Variants in NAV3 observed in about 807,000 individuals in gnomAD.
The protein encoded by NAV3 is pore membrane and/or filament interacting like protein 1.
In NAV3, 87 loss-of-function variants were observed where a neutral mutation model predicts 244.7. That is an observed-to-expected ratio of 0.36 (90% confidence interval 0.30 to 0.42). NAV3 has a LOEUF of 0.42. Among genes scored for constraint, NAV3 ranks in the 20% least tolerant of loss-of-function variants. The pLI is 1.00. For synonymous variants in NAV3, 1,126 were observed against 1,042.2 expected, an observed-to-expected ratio of 1.08 and a Z score of -1.55; for missense variants, 2,663 against 2,893.3, an observed-to-expected ratio of 0.92 and a Z score of 1.83.
At chr12:77,887,630 G>T (rs948706562) in intron 1 of NAV3, among the ~76,000 whole-genome samples, 2 of 152,072 alleles carry the variant, frequency 1.3e-5, no homozygotes, top group East Asian at 1.9e-4. Context: ...ATATTTGTTG[G>T]ATGAGTGGAG....
chr12:78,058,314 A>G (rs1002932949), intron 11 of NAV3, among the ~76,000 whole-genome samples: 2 of 152,154 alleles, frequency 1.3e-5, no homozygotes, highest in African/African-American at 4.8e-5. Flanking sequence ...GACATATTAC[A>G]TGGCACACCG....
At chr12:78,194,916 G>T (rs867417151) in intron 34 of NAV3, among the ~76,000 whole-genome samples, 1 of 151,966 alleles carries the variant, frequency 6.6e-6, no homozygotes, top group African/African-American at 2.4e-5. Flanking sequence ...TTTTCCAGAC[G>T]CTACAATCAA....
intron 24 of NAV3, among the ~76,000 whole-genome samples, chr12:78,171,928 A>G (rs980179380): frequency 4.0e-5 from 6 of 151,650 alleles, no homozygotes; most frequent in African/African-American, 1.4e-4. Flanking sequence ...AATGCATCAC[A>G]TTCATTAACA....
intron 5 of NAV3, among the ~76,000 whole-genome samples, chr12:77,976,381 T>G (rs951664709): frequency 2.6e-5 from 4 of 152,130 alleles, no homozygotes; most frequent in Non-Finnish European, 1.5e-5. Context: ...AGAAGAGAAC[T>G]GAGGCCTTGG....
At chr12:78,120,400 A>G (rs1566164498) in intron 15 of NAV3, among the ~76,000 whole-genome samples, 1 of 152,178 alleles carries the variant, frequency 6.6e-6, no homozygotes, top group Non-Finnish European at 1.5e-5. Flanking sequence ...ATAAATGTAG[A>G]TGAAGTTGTT....
chr12:77,648,056 T>C (rs1015372046), intron 2 of NAV3, among the ~76,000 whole-genome samples: 5 of 152,090 alleles, frequency 3.3e-5, no homozygotes, highest in South Asian at 4.1e-4. Flanking sequence ...TTGGACTCCC[T>C]ATCAATGGCC....
intron 7 of NAV3, among the ~76,000 whole-genome samples, chr12:78,000,660 C>T (rs547503441): frequency 1.3e-3 from 160 of 127,698 alleles, no homozygotes; most frequent in African/African-American, 3.4e-3. Context: ...CCCGCCACCA[C>T]GCCCGGCTAA....
chr12:77,949,949 A>T (rs888479059), intron 3 of NAV3, among the ~76,000 whole-genome samples: 1 of 152,054 alleles, frequency 6.6e-6, no homozygotes, highest in African/African-American at 2.4e-5. Context: ...TCTTTCACTT[A>T]GTAATATGGA....
chr12:77,660,277 C>A (rs1051942071), intron 2 of NAV3, among the ~76,000 whole-genome samples: 3 of 152,036 alleles, frequency 2.0e-5, no homozygotes, highest in Non-Finnish European at 4.4e-5. Context: ...AAATGGAACA[C>A]AAAAATTTTA....
intron 9 of NAV3, among the ~76,000 whole-genome samples, chr12:78,027,690 T>G (rs559056697): frequency 6.6e-6 from 1 of 152,318 alleles, no homozygotes; most frequent in South Asian, 2.1e-4. Flanking sequence ...CTTTAGCTGC[T>G]ATGTATCTTT....
At chr12:78,151,427 A>G (rs1957077215) in intron 22 of NAV3, among the ~76,000 whole-genome samples, 1 of 152,092 alleles carries the variant, frequency 6.6e-6, no homozygotes. Context: ...TGATACATCT[A>G]TATCATGGAC....
chr12:77,706,475 T>A (rs1875804626), intron 2 of NAV3, among the ~76,000 whole-genome samples: 1 of 151,398 alleles, frequency 6.6e-6, no homozygotes, highest in Non-Finnish European at 1.5e-5. Flanking sequence ...TTTTCATGTG[T>A]ACACTCTAAT....
At chr12:78,102,482 A>G (rs1954584787) in intron 12 of NAV3, among the ~76,000 whole-genome samples, 1 of 152,190 alleles carries the variant, frequency 6.6e-6, no homozygotes, top group Admixed American at 6.5e-5. Flanking sequence ...TTTCCCAGGA[A>G]CAAGGTGCAA....
chr12:78,071,248 A>G (rs1952749351), intron 12 of NAV3, among the ~76,000 whole-genome samples: 1 of 152,104 alleles, frequency 6.6e-6, no homozygotes, highest in Non-Finnish European at 1.5e-5. Flanking sequence ...TGCCATTCTA[A>G]CTGGTGTGAG....
chr12:78,160,981 C>CT, intron 23 of NAV3, among the ~76,000 whole-genome samples: 1 of 151,224 alleles, frequency 6.6e-6, no homozygotes, highest in Middle Eastern at 3.4e-3. Context: ...CCCTCTCTTT[C>CT]TTTTTTGCTG....
chr12:78,139,597 C>T (rs989032071), intron 19 of NAV3, among the ~76,000 whole-genome samples: 1 of 151,974 alleles, frequency 6.6e-6, no homozygotes, highest in East Asian at 1.9e-4. Flanking sequence ...TTTTATCCAC[C>T]TTTTGGGTTT....
At chr12:77,629,396 C>A (rs1592520044) in intron 2 of NAV3, among the ~76,000 whole-genome samples, 1 of 152,150 alleles carries the variant, frequency 6.6e-6, no homozygotes, top group East Asian at 1.9e-4. Flanking sequence ...TGATAACTGG[C>A]CTTTCATTTG....
intron 2 of NAV3, among the ~76,000 whole-genome samples, chr12:77,671,112 A>G (rs1441802679): frequency 6.6e-6 from 1 of 152,160 alleles, no homozygotes; most frequent in Non-Finnish European, 1.5e-5. Flanking sequence ...AAATTCATGT[A>G]TACAAATCAT....
intron 30 of NAV3, among the ~76,000 whole-genome samples, chr12:78,183,605 A>C (rs1958590143): frequency 6.6e-6 from 1 of 151,964 alleles, no homozygotes; most frequent in Non-Finnish European, 1.5e-5. Flanking sequence ...TTAAATAGCC[A>C]CATAATAAAA....
Sources: gnomAD v4.1 joint callset for allele counts (sites outside exome capture counted in the v4.1 genomes callset) on GRCh38, gnomAD v4.1.1 for gene constraint, MANE v1.5 for transcripts, NCBI Gene and HGNC (gene_info 2026-07-23, HGNC 2026-07-21) for gene names.